Variants in LRRTM3 observed in about 807,000 individuals in gnomAD.
LRRTM3 encodes the protein leucine-rich repeat transmembrane neuronal protein 3.
Under a neutral mutation model 44.7 loss-of-function variants are expected in LRRTM3, and 24 were observed. That is an observed-to-expected ratio of 0.54 (90% CI 0.39 to 0.76). LRRTM3 has a LOEUF of 0.76. LRRTM3 is among the 30% of genes least tolerant of loss of function. LRRTM3 has a pLI of 0.00. For missense variants in LRRTM3, 587 were observed against 702.2 expected (o/e 0.84, Z 1.85); for synonymous variants, 277 against 278.7 (o/e 0.99, Z 0.06).
At chr10:67,044,189 G>C (rs896785504) in intron 2 of LRRTM3, among the ~76,000 whole-genome samples, 3 of 151,998 alleles carry the variant, frequency 2.0e-5, no homozygotes, top group Non-Finnish European at 2.9e-5. Context: ...GTGAGAACAT[G>C]TAATATTAAA....
At chr10:66,963,788 G>C (rs747700290) in intron 2 of LRRTM3, among the ~76,000 whole-genome samples, 13 of 151,952 alleles carry the variant, frequency 8.6e-5, no homozygotes, top group Non-Finnish European at 1.6e-4. Context: ...ATTTGGGCTA[G>C]AAAGTGGTGT....
At chr10:66,972,314 T>C (rs774054197) in intron 2 of LRRTM3, among the ~76,000 whole-genome samples, 10 of 152,142 alleles carry the variant, frequency 6.6e-5, no homozygotes, top group Non-Finnish European at 1.5e-4. Context: ...ATACTATATA[T>C]AGCATCAAAG....
chr10:67,025,379 C>A (rs993028803), intron 2 of LRRTM3, among the ~76,000 whole-genome samples: 1 of 151,486 alleles, frequency 6.6e-6, no homozygotes, highest in Non-Finnish European at 1.5e-5. Flanking sequence ...TTTGTAAAGG[C>A]CACATATCCA....
chr10:67,081,619 G>A (rs982192413), intron 2 of LRRTM3, among the ~76,000 whole-genome samples: 7 of 152,172 alleles, frequency 4.6e-5, no homozygotes, highest in Non-Finnish European at 1.0e-4. Flanking sequence ...TGCTATGCCT[G>A]TATTCTCATA....
intron 2 of LRRTM3, among the ~76,000 whole-genome samples, chr10:67,010,117 TCTAA>T (rs1262690188): frequency 1.5e-4 from 23 of 152,188 alleles, no homozygotes; most frequent in African/African-American, 5.1e-4. Context: ...TTTATCATAC[TCTAA>T]CTAGTACTAT....
At chr10:67,054,802 C>T (rs537497624) in intron 2 of LRRTM3, 9 of 152,212 alleles carry the variant, frequency 5.9e-5, no homozygotes, top group Middle Eastern at 3.4e-3. Context: ...AACTCAGTAA[C>T]CCAAACTGTT....
intron 2 of LRRTM3, among the ~76,000 whole-genome samples, chr10:67,030,198 A>C (rs1327216542): frequency 1.3e-5 from 2 of 152,338 alleles, no homozygotes; most frequent in Middle Eastern, 3.4e-3. Context: ...ACATTCATTT[A>C]TTGCATTTTT....
chr10:67,058,082 C>T (rs1855547260), intron 2 of LRRTM3, among the ~76,000 whole-genome samples: 1 of 152,150 alleles, frequency 6.6e-6, no homozygotes, highest in Non-Finnish European at 1.5e-5. Flanking sequence ...CTAATCTTTT[C>T]TTGCATGCTG....
At chr10:66,988,258 G>A (rs931366325) in intron 2 of LRRTM3, among the ~76,000 whole-genome samples, 9 of 152,054 alleles carry the variant, frequency 5.9e-5, no homozygotes, top group Non-Finnish European at 1.2e-4. Flanking sequence ...GGATCATTGA[G>A]GTAGGATTAT....
At chr10:66,937,363 T>C (rs1223830352) in intron 2 of LRRTM3, among the ~76,000 whole-genome samples, 2 of 152,164 alleles carry the variant, frequency 1.3e-5, no homozygotes, top group Admixed American at 6.6e-5. Flanking sequence ...AATCTAATAC[T>C]CATAAAGATC....
intron 2 of LRRTM3, among the ~76,000 whole-genome samples, chr10:66,971,124 C>T (rs1055561716): frequency 6.6e-6 from 1 of 151,942 alleles, no homozygotes; most frequent in Non-Finnish European, 1.5e-5. Context: ...AGCAATGAGG[C>T]AGGATAGTGA....
chr10:67,017,269 A>G (rs1240861901), intron 2 of LRRTM3, among the ~76,000 whole-genome samples: 2 of 152,232 alleles, frequency 1.3e-5, no homozygotes, highest in African/African-American at 4.8e-5. Flanking sequence ...AACTTCAAAT[A>G]AACTAGGCCA....
chr10:66,938,578 G>A (rs1265590012), intron 2 of LRRTM3, among the ~76,000 whole-genome samples: 1 of 152,104 alleles, frequency 6.6e-6, no homozygotes, highest in Admixed American at 6.6e-5. Flanking sequence ...AGAAGCGATC[G>A]GTCTTGCTGT....
At chr10:67,056,926 T>C (rs1855468147) in intron 2 of LRRTM3, among the ~76,000 whole-genome samples, 1 of 152,162 alleles carries the variant, frequency 6.6e-6, no homozygotes, top group South Asian at 2.1e-4. Flanking sequence ...AATCTGCTCA[T>C]GCTCCTGGGT....
At chr10:66,988,386 A>G (rs1850852186) in intron 2 of LRRTM3, among the ~76,000 whole-genome samples, 1 of 152,200 alleles carries the variant, frequency 6.6e-6, no homozygotes, top group Admixed American at 6.5e-5. Flanking sequence ...TTAAGCCAAT[A>G]CAATGATTTT....
chr10:67,074,749 T>C (rs1366647831), intron 2 of LRRTM3, among the ~76,000 whole-genome samples: 1 of 151,400 alleles, frequency 6.6e-6, no homozygotes, highest in Non-Finnish European at 1.5e-5. Context: ...TTCTGTCTTA[T>C]GCCAGCTAAA....
At position 66,977,345 on chromosome 10, in the gene LRRTM3, A is replaced by C. The variant is rs1049097191; in HGVS notation, c.1536+48893A>C. On this transcript the variant is annotated intron_variant, in intron 2 of 2. Coordinates refer to ENST00000361320, the MANE Select transcript of LRRTM3 (RefSeq NM_178011.5). ...CAGCTACTCAGGAGGCTGAGGCAGG[A>C]GGATTGCTTGAACCTGGGAAGCAGA... Among the ~76,000 whole-genome samples the C allele has an allele frequency of 1.9e-4, 29 of 152,056 alleles. No homozygotes were observed. The East Asian group carries it at 4.3e-3, about 22-fold the overall frequency.
At chr10:67,087,998 CA>C (rs1857404137) in intron 2 of LRRTM3, among the ~76,000 whole-genome samples, 1 of 151,554 alleles carries the variant, frequency 6.6e-6, no homozygotes, top group Admixed American at 6.6e-5. Flanking sequence ...AAGATCTGTG[CA>C]AATAAAGACA....
intron 2 of LRRTM3, among the ~76,000 whole-genome samples, chr10:66,954,022 C>G: frequency 6.6e-6 from 1 of 152,096 alleles, no homozygotes; most frequent in Middle Eastern, 3.2e-3. Context: ...AGTAAGTGCT[C>G]GCAAATACTA....
Sources: allele counts gnomAD v4.1 joint callset (sites outside exome capture counted in the v4.1 genomes callset), GRCh38; gene constraint gnomAD v4.1.1; transcripts MANE v1.5; gene names NCBI Gene and HGNC (gene_info 2026-07-23, HGNC 2026-07-21).